The following NRXN3 variants were observed in gnomAD, a reference collection of about 807,000 sequenced individuals.
The protein encoded by NRXN3 is neurexin 3.
Under a neutral mutation model 137.6 loss-of-function variants are expected in NRXN3, and 32 were observed. The observed-to-expected ratio is 0.23, with a 90% CI of 0.18 to 0.31. The LOEUF is 0.31. NRXN3 is among the 10% of genes least tolerant of loss of function. NRXN3 has a pLI of 1.00. For missense variants in NRXN3, 1,574 were observed against 2,062.5 expected, an observed-to-expected ratio of 0.76 and a Z score of 4.59; for synonymous variants, 798 against 784.5, an observed-to-expected ratio of 1.02 and a Z score of -0.29.
At chr14:78,465,956 G>A (rs1158952326) in intron 4 of NRXN3, among the ~76,000 whole-genome samples, 1 of 151,538 alleles carries the variant, frequency 6.6e-6, no homozygotes, top group Non-Finnish European at 1.5e-5. Context: ...GGTTCATGCC[G>A]TTCTCCTGCC....
chr14:78,278,712 A>G (rs1209572975), intron 3 of NRXN3, 50 bp downstream of exon 3: 1 of 1,491,950 alleles, frequency 6.7e-7, no homozygotes, highest in Non-Finnish European at 9.0e-7. Flanking sequence ...CCTCTGCTAG[A>G]TTGTGCATGG....
intron 8 of NRXN3, among the ~76,000 whole-genome samples, chr14:78,757,425 A>G (rs2098673960): frequency 6.6e-6 from 1 of 151,592 alleles, no homozygotes; most frequent in Non-Finnish European, 1.5e-5. Context: ...AAAAAAAAGG[A>G]TTCTGCATGA....
intron 19 of NRXN3, among the ~76,000 whole-genome samples, chr14:79,734,090 T>G (rs535105898): frequency 6.6e-6 from 1 of 152,316 alleles, no homozygotes; most frequent in Admixed American, 6.5e-5. Flanking sequence ...AGAAAAACGT[T>G]GTTTTGACAA....
intron 2 of NRXN3, among the ~76,000 whole-genome samples, chr14:78,256,116 T>G (rs901284100): frequency 3.3e-5 from 5 of 152,108 alleles, no homozygotes; most frequent in African/African-American, 1.2e-4. Context: ...AATGATTTCC[T>G]ATAACAATTA....
chr14:78,437,801 A>C (rs2094122053), intron 4 of NRXN3, among the ~76,000 whole-genome samples: 1 of 152,234 alleles, frequency 6.6e-6, no homozygotes, highest in African/African-American at 2.4e-5. Context: ...CTGCATTTTA[A>C]TAAATTTCCC....
intron 15 of NRXN3, among the ~76,000 whole-genome samples, chr14:79,391,548 C>A (rs1007576519): frequency 2.6e-5 from 4 of 152,132 alleles, no homozygotes; most frequent in African/African-American, 9.7e-5. Flanking sequence ...TATTATCTAA[C>A]AAAATATATG....
intron 16 of NRXN3, among the ~76,000 whole-genome samples, chr14:79,663,251 T>C (rs1473467952): frequency 5.3e-5 from 8 of 151,682 alleles, no homozygotes; most frequent in African/African-American, 1.9e-4. Context: ...TGTACGCGTG[T>C]GTGTGTGTGT....
chr14:79,725,931 T>G (rs2098885467), intron 19 of NRXN3, among the ~76,000 whole-genome samples: 1 of 152,154 alleles, frequency 6.6e-6, no homozygotes, highest in African/African-American at 2.4e-5. Flanking sequence ...GGAGCTAATC[T>G]GATTCATATC....
chr14:78,461,054 T>C (rs1288492231), intron 4 of NRXN3, among the ~76,000 whole-genome samples: 3 of 152,250 alleles, frequency 2.0e-5, no homozygotes, highest in Non-Finnish European at 2.9e-5. Context: ...GTCCATAAAC[T>C]GACACATAGA....
At chr14:79,461,790 T>TA (rs1219208040) in intron 15 of NRXN3, among the ~76,000 whole-genome samples, 2 of 151,990 alleles carry the variant, frequency 1.3e-5, no homozygotes, top group East Asian at 1.9e-4. Flanking sequence ...CAGTTTATAG[T>TA]AAAAAAACAC....
chr14:78,538,474 A>T (rs1287163135), intron 4 of NRXN3, among the ~76,000 whole-genome samples: 2 of 152,144 alleles, frequency 1.3e-5, no homozygotes, highest in Non-Finnish European at 2.9e-5. Flanking sequence ...GTATCCTGAG[A>T]CTTTGCTGAA....
intron 15 of NRXN3, among the ~76,000 whole-genome samples, chr14:79,353,054 A>G (rs1436290348): frequency 6.6e-6 from 1 of 152,110 alleles, no homozygotes; most frequent in African/African-American, 2.4e-5. Flanking sequence ...ACATTTAACA[A>G]TGTTGTTTTT....
chr14:79,021,675 G>T (rs925935921), intron 15 of NRXN3, among the ~76,000 whole-genome samples: 2 of 152,170 alleles, frequency 1.3e-5, no homozygotes. Flanking sequence ...GGCCCAAACT[G>T]TGGTTTTTTA....
At chr14:79,331,869 T>C (rs2091726788) in intron 15 of NRXN3, among the ~76,000 whole-genome samples, 1 of 141,906 alleles carries the variant, frequency 7.0e-6, no homozygotes. Context: ...TGTGTGTGTG[T>C]GTGAAAGTAC....
At chr14:79,065,997 A>G (rs190199393) in intron 15 of NRXN3, among the ~76,000 whole-genome samples, 89 of 152,220 alleles carry the variant, frequency 5.8e-4, no homozygotes, top group Middle Eastern at 3.4e-3. Context: ...CTTTAGCTTA[A>G]TTAGATCCCA....
rs221419 is a variant in NRXN3 at position 79,568,825 on chromosome 14, C to A, written c.3445-94953C>A. 6.8e-3 allele frequency among the ~76,000 whole-genome samples: 1,035 copies of A among 152,226 alleles called. 13 individuals carry two copies. Among genetic ancestry groups the A allele is most frequent in the African/African-American group, 0.023 (970 of 41,522 alleles). On this transcript the variant is annotated intron_variant, in intron 16 of 20. Coordinates refer to ENST00000335750, the MANE Select transcript of NRXN3 (RefSeq NM_001330195.2). ...TGTGCATAAGAATGCCATTTAGTCC[C>A]AAGCACCATTTGAAATGGAAATGAG...
At chr14:79,250,579 T>G (rs1234357138) in intron 15 of NRXN3, among the ~76,000 whole-genome samples, 1 of 152,298 alleles carries the variant, frequency 6.6e-6, no homozygotes, top group Non-Finnish European at 1.5e-5. Flanking sequence ...AACTCACTGG[T>G]TAGTGGTAAA....
chr14:79,015,038 G>C (rs2099576982), intron 15 of NRXN3, among the ~76,000 whole-genome samples: 1 of 152,060 alleles, frequency 6.6e-6, no homozygotes, highest in Admixed American at 6.6e-5. Context: ...TTCCCTCTGA[G>C]ATTTGCTCAG....
chr14:79,009,222 A>G (rs2099565207), intron 15 of NRXN3, among the ~76,000 whole-genome samples: 1 of 152,182 alleles, frequency 6.6e-6, no homozygotes, highest in Non-Finnish European at 1.5e-5. Context: ...ATCTGGAACA[A>G]CACCATTCTT....
Sources: allele counts gnomAD v4.1 joint callset (sites outside exome capture counted in the v4.1 genomes callset), GRCh38; gene constraint gnomAD v4.1.1; transcripts MANE v1.5; gene names NCBI Gene and HGNC (gene_info 2026-07-23, HGNC 2026-07-21).